Variants in MPRIP observed in about 807,000 individuals in gnomAD.
The protein encoded by MPRIP is myosin phosphatase Rho-interacting protein.
A neutral mutation model predicts 234.9 loss-of-function variants in MPRIP; 59 were observed. The observed-to-expected ratio is 0.25, with a 90% CI of 0.20 to 0.31. The LOEUF is 0.31. Among genes scored for constraint, MPRIP ranks in the 10% least tolerant of loss-of-function variants. The pLI is 1.00. For synonymous variants in MPRIP, 1,144 were observed against 1,263.9 expected (o/e 0.91, Z 2.01); for missense variants, 2,436 against 3,071.0 (o/e 0.79, Z 4.89).
rs538375986 is a variant in MPRIP, at chr17:17,157,941, G to A, written c.1830-491G>A. ...TTCTGTCACCACTGTCCAGTCCAGGGGTGCACAGGGCCCAGGCCTCACCTG... is the reference window on the plus strand; with the variant it reads ...TTCTGTCACCACTGTCCAGTCCAGGAGTGCACAGGGCCCAGGCCTCACCTG... On this transcript the variant is annotated intron_variant, in intron 13 of 23. Coordinates refer to ENST00000651222, the MANE Select transcript of MPRIP (RefSeq NM_001364716.4). Among the ~76,000 whole-genome samples, 30 of 152,326 alleles carry A rather than the reference G, an allele frequency of 2.0e-4. No homozygotes were observed. The South Asian group carries it at 6.2e-3, about 32-fold the overall frequency.
chr17:17,145,948 C>T, intron 9 of MPRIP, 88 bp from the exon 10 acceptor site: 1 of 1,288,352 alleles, frequency 7.8e-7, no homozygotes, highest in South Asian at 1.3e-5. Context: ...TGGTACCCGC[C>T]TCATCTGGAC....
At chr17:17,117,809 T>C (rs1399649066) in intron 3 of MPRIP, among the ~76,000 whole-genome samples, 3 of 152,212 alleles carry the variant, frequency 2.0e-5, no homozygotes, top group Non-Finnish European at 2.9e-5. Flanking sequence ...TACACCACTT[T>C]ACAATCAAAA....
Position 17,167,586 on chromosome 17 carries a change from G to A in MPRIP, c.5995G>A (p.Glu1999Lys). ...RHHGEQIQTL[E>K]DRFQLKVREL... ...TCATGGTGAGCAGATACAGACCCTG[G>A]AGGACAGGTTCCAGCTCAAGGTCCG... is the stretch of plus-strand genomic sequence containing the variant. Residue 1999 changes from glutamate (E) to lysine (K), a missense_variant, in exon 16 of 24, where the codon GAG becomes AAG. Glu to Lys is a moderately conservative substitution (Grantham distance 56). This residue lies in a region of MPRIP where 1,998 missense variants were observed against 2,520.3 expected (regional missense o/e 0.79). Coordinates refer to ENST00000651222, the MANE Select transcript of MPRIP (RefSeq NM_001364716.4). This position sits in a 1 kb window ranked among gnomAD's most constrained non-coding sequence, Gnocchi z 5.9. 2 of 1,304,264 alleles carry A rather than the reference G, an allele frequency of 1.5e-6. No individual in the cohort carries two copies. 80.8% of individuals were successfully genotyped at this position (1,304,264 alleles called of 1,614,324 possible).
chr17:17,183,512 G>A (rs984557903), intron 23 of MPRIP, among the ~76,000 whole-genome samples: 24 of 152,290 alleles, frequency 1.6e-4, no homozygotes, highest in South Asian at 8.3e-4. Context: ...CACCGCGCCC[G>A]GCCTGGACCA....
chr17:17,166,696 G>A lies in MPRIP; in HGVS notation c.5105G>A (p.Arg1702Gln), dbSNP rs760442367. 7.7e-6 allele frequency: 10 copies of A among 1,303,900 alleles called. No homozygotes were observed. The highest frequency in any genetic ancestry group is 7.6e-5 in the African/African-American group (5 of 65,830). The allele number at this position is 1,303,900 out of a possible 1,614,324, so 80.8% of individuals were successfully genotyped here. ...ETLRGTQTALRQHKCLLREIL... is the reference protein window; with the variant it reads ...ETLRGTQTALQQHKCLLREIL... ...CTGCGGGGCACCCAGACGGCCCTGC[G>A]GCAGCACAAATGCCTGCTGAGGGAA... Residue 1702 changes from arginine to glutamine, a missense_variant, in exon 16 of 24, where the codon CGG (arginine) becomes CAG (glutamine). Around this residue, in one of 4 missense-constraint regions of MPRIP, gnomAD observed 1,998 missense variants for 2,520.3 expected, o/e 0.79. Transcript: ENST00000651222. This position sits in a 1 kb window ranked among gnomAD's most constrained non-coding sequence, Gnocchi z 4.4.
chr17:17,096,685 T>C, intron 3 of MPRIP: 1 of 462,740 alleles, frequency 2.2e-6, no homozygotes, highest in Non-Finnish European at 4.5e-6. Flanking sequence ...CCTTGAGCAA[T>C]ACCATCAGGC....
At chr17:17,168,999 T>G (rs1183270534) in intron 16 of MPRIP, 4 of 456,820 alleles carry the variant, frequency 8.8e-6, no homozygotes, top group Admixed American at 7.0e-5. Flanking sequence ...ACATGTCACC[T>G]CTGTGTGACG....
intron 3 of MPRIP, among the ~76,000 whole-genome samples, chr17:17,109,990 A>G (rs1218382123): frequency 1.3e-5 from 2 of 152,156 alleles, no homozygotes; most frequent in Non-Finnish European, 2.9e-5. Flanking sequence ...TCACGTTGAA[A>G]TGTGTTCCCC....
chr17:17,145,572 C>G (rs1037293176), intron 9 of MPRIP, among the ~76,000 whole-genome samples: 1 of 152,250 alleles, frequency 6.6e-6, no homozygotes, highest in Non-Finnish European at 1.5e-5. Context: ...GGGGCTGCAG[C>G]TGCTGCTTCC....
At chr17:17,137,043 T>G (rs2090715456) in intron 6 of MPRIP, among the ~76,000 whole-genome samples, 1 of 152,196 alleles carries the variant, frequency 6.6e-6, no homozygotes, top group Non-Finnish European at 1.5e-5. Flanking sequence ...TTGTCTAGAT[T>G]GTTAAAAATA....
At chr17:17,140,235 C>T (rs929367334) in intron 7 of MPRIP, among the ~76,000 whole-genome samples, 1 of 152,126 alleles carries the variant, frequency 6.6e-6, no homozygotes, top group Non-Finnish European at 1.5e-5. Context: ...ACAGAATTAG[C>T]ATTCAGCACA....
intron 3 of MPRIP, among the ~76,000 whole-genome samples, chr17:17,111,158 CA>C (rs542344107): frequency 1.5e-4 from 9 of 60,638 alleles, no homozygotes; most frequent in South Asian, 1.1e-3. Flanking sequence ...AAAAAAAAAC[CA>C]AAAAAAAAAG....
At chr17:17,145,522 A>G (rs1423811308) in intron 9 of MPRIP, among the ~76,000 whole-genome samples, 2 of 152,192 alleles carry the variant, frequency 1.3e-5, no homozygotes, top group African/African-American at 4.8e-5. Context: ...AATACAGGTC[A>G]AGCCTATTCC....
intron 1 of MPRIP, among the ~76,000 whole-genome samples, chr17:17,057,312 G>A (rs1428678385): frequency 1.3e-5 from 2 of 152,218 alleles, no homozygotes; most frequent in African/African-American, 2.4e-5. Flanking sequence ...GTCACGGGGC[G>A]GTGCAGGGGT....
chr17:17,062,041 A>T (rs1216472148), intron 1 of MPRIP, among the ~76,000 whole-genome samples: 1 of 151,922 alleles, frequency 6.6e-6, no homozygotes, highest in Non-Finnish European at 1.5e-5. Flanking sequence ...TATGAAACTG[A>T]GAATCACAGA....
intron 3 of MPRIP, among the ~76,000 whole-genome samples, chr17:17,101,811 G>GC (rs1794409760): frequency 6.6e-6 from 1 of 152,190 alleles, no homozygotes; most frequent in South Asian, 2.1e-4. Context: ...TCAGGCAGCT[G>GC]CAGTTCAAGT....
intron 5 of MPRIP, among the ~76,000 whole-genome samples, chr17:17,132,247 A>G (rs1323044105): frequency 1.3e-5 from 2 of 152,250 alleles, no homozygotes; most frequent in East Asian, 3.9e-4. Context: ...CCAGTGTGCA[A>G]GGCTTAGGGC....
chr17:17,051,093 A>G (rs868141630), intron 1 of MPRIP, among the ~76,000 whole-genome samples: 4 of 152,184 alleles, frequency 2.6e-5, no homozygotes, highest in Non-Finnish European at 5.9e-5. Context: ...CTCTTTGCAG[A>G]GTAGTGTGCT....
At chr17:17,054,554 G>A (rs1402492755) in intron 1 of MPRIP, among the ~76,000 whole-genome samples, 7 of 152,182 alleles carry the variant, frequency 4.6e-5, no homozygotes, top group Admixed American at 4.6e-4. Flanking sequence ...TAGATGTCCA[G>A]TTCACTGAAT....
Sources: allele counts gnomAD v4.1 joint callset (sites outside exome capture counted in the v4.1 genomes callset), GRCh38; gene constraint gnomAD v4.1.1; regional missense constraint gnomAD v4.1.1; non-coding constraint Gnocchi (gnomAD v3.1); transcripts MANE v1.5; gene names NCBI Gene and HGNC (gene_info 2026-07-23, HGNC 2026-07-21).